ME3: variants seen among roughly 807,000 people sequenced by gnomAD.
The protein encoded by ME3 is malic enzyme 3, also known as NADP-dependent malic enzyme, mitochondrial.
In ME3, 48 loss-of-function variants were observed where a neutral mutation model predicts 68.9. The ratio of observed to expected loss-of-function variants is 0.70; its 90% confidence interval spans 0.55 to 0.89. The LOEUF (loss-of-function observed/expected upper bound fraction) is 0.89. ME3 is among the 40% of genes least tolerant of loss of function. The pLI is 0.00. For synonymous variants in ME3, 320 were observed against 318.8 expected (o/e 1.00, Z -0.04); for missense variants, 675 against 797.4 (o/e 0.85, Z 1.85).
chr11:86,638,092 G>A (rs1944458080), intron 2 of ME3, among the ~76,000 whole-genome samples: 2 of 151,844 alleles, frequency 1.3e-5, no homozygotes, highest in Non-Finnish European at 2.9e-5. Context: ...CCCCAGGCCT[G>A]GCTGTGCCTC....
intron 2 of ME3, among the ~76,000 whole-genome samples, chr11:86,663,658 T>A (rs895512975): frequency 6.6e-6 from 1 of 152,070 alleles, no homozygotes; most frequent in East Asian, 1.9e-4. Flanking sequence ...AGGCCTTTTT[T>A]CCCCCCTCTC....
intron 4 of ME3, among the ~76,000 whole-genome samples, chr11:86,529,582 G>C (rs1318072932): frequency 6.6e-6 from 1 of 152,180 alleles, no homozygotes; most frequent in Non-Finnish European, 1.5e-5. Flanking sequence ...CAATATCCCT[G>C]ATGAACATCG....
intron 2 of ME3, among the ~76,000 whole-genome samples, chr11:86,618,182 C>A (rs1223526310): frequency 6.6e-6 from 1 of 151,424 alleles, no homozygotes; most frequent in Non-Finnish European, 1.5e-5. Context: ...CACCTATAAC[C>A]CCAGCTACTT....
rs145064860 is a variant in ME3 at position 86,479,764 on chromosome 11, T to C, written c.809+7573A>G. ...TCCCTAATTATTTTCTATTCAAAAA[T>C]GTCTTCTTGGAAGGACTGTAAGGTT... On this transcript the variant is annotated intron_variant, in intron 7 of 14. Transcript: ENST00000543262. Among the ~76,000 whole-genome samples, 28 of 152,342 alleles carry C rather than the reference T, an allele frequency of 1.8e-4. No individual in the cohort carries two copies. In the East Asian group the frequency reaches 5.4e-3, roughly 29 times the overall value.
intron 2 of ME3, among the ~76,000 whole-genome samples, chr11:86,582,474 G>A (rs932648410): frequency 2.0e-5 from 3 of 152,104 alleles, no homozygotes; most frequent in African/African-American, 4.8e-5. Context: ...TAAAAGTCCT[G>A]TACAAATGCT....
At chr11:86,521,731 C>G (rs59340076) in intron 4 of ME3, among the ~76,000 whole-genome samples, 6,546 of 152,288 alleles carry the variant, frequency 0.043, 210 homozygotes, top group African/African-American at 0.082. Context: ...CTCTCAAAAA[C>G]TCACTGATCT....
chr11:86,574,449 GCTTT>G (rs1352584214), intron 2 of ME3, among the ~76,000 whole-genome samples: 4 of 147,456 alleles, frequency 2.7e-5, no homozygotes, highest in African/African-American at 5.0e-5. Context: ...TGTTGTATTT[GCTTT>G]CTGTTTGTTT....
At chr11:86,664,765 G>T (rs1196497265) in intron 2 of ME3, among the ~76,000 whole-genome samples, 1 of 152,176 alleles carries the variant, frequency 6.6e-6, no homozygotes, top group Non-Finnish European at 1.5e-5. Context: ...ATCTCCTTTT[G>T]TGTTTTCCGT....
At chr11:86,650,516 C>A (rs1046936766) in intron 2 of ME3, among the ~76,000 whole-genome samples, 1 of 152,170 alleles carries the variant, frequency 6.6e-6, no homozygotes, top group African/African-American at 2.4e-5. Context: ...TCAGAGTGAG[C>A]AGGCAACCTA....
At chr11:86,664,127 G>A (rs1196916689) in intron 2 of ME3, among the ~76,000 whole-genome samples, 1 of 152,190 alleles carries the variant, frequency 6.6e-6, no homozygotes, top group Non-Finnish European at 1.5e-5. Flanking sequence ...AAGTTGGTCT[G>A]AGTATTATTT....
intron 3 of ME3, among the ~76,000 whole-genome samples, chr11:86,559,070 G>A (rs930910410): frequency 2.6e-5 from 4 of 152,176 alleles, no homozygotes; most frequent in African/African-American, 9.7e-5. Flanking sequence ...TTCAACCTGG[G>A]AAGTGACTAC....
At chr11:86,488,998 C>T (rs1487398991) in intron 6 of ME3, 2 of 152,122 alleles carry the variant, frequency 1.3e-5, no homozygotes, top group Admixed American at 6.5e-5. Context: ...GCTGAGAAGA[C>T]AGCACAAGGA....
rs760709939 is a variant in ME3 at position 86,447,213 on chromosome 11, G to A, written c.1238-6C>T. 6.2e-7 allele frequency: 1 copy of A among 1,613,658 alleles called. No individual in the cohort carries two copies. The highest frequency in any genetic ancestry group is 1.1e-5 in the South Asian group (1 of 91,016). On this transcript the variant is annotated splice_region_variant and splice_polypyrimidine_tract_variant and intron_variant, in intron 11 of 14. Coordinates refer to ENST00000543262, the Ensembl canonical transcript of ME3. Reference sequence around the variant, plus strand: ...TCCTGCGATGGCAGCAACACCTACAGGGAAAAGGCGGGTAGTGGGGATGCC... The same window carrying A: ...TCCTGCGATGGCAGCAACACCTACAAGGAAAAGGCGGGTAGTGGGGATGCC...
chr11:86,581,464 A>G (rs907512644), intron 2 of ME3, among the ~76,000 whole-genome samples: 1 of 152,208 alleles, frequency 6.6e-6, no homozygotes, highest in Non-Finnish European at 1.5e-5. Flanking sequence ...TAGGAAAAAA[A>G]TAACTCATAA....
chr11:86,641,875 C>CT (rs1383476823), intron 2 of ME3, among the ~76,000 whole-genome samples: 7 of 152,026 alleles, frequency 4.6e-5, no homozygotes, highest in South Asian at 4.2e-4. Context: ...AACTTCACCT[C>CT]TTTTTTTAAA....
chr11:86,663,712 A>G (rs1946422757), intron 2 of ME3, among the ~76,000 whole-genome samples: 1 of 152,244 alleles, frequency 6.6e-6, no homozygotes. Flanking sequence ...GATGATAAAA[A>G]GAAACCTTTG....
chr11:86,455,954 C>G (rs1949894120), intron 8 of ME3, among the ~76,000 whole-genome samples: 1 of 152,176 alleles, frequency 6.6e-6, no homozygotes, highest in South Asian at 2.1e-4. Flanking sequence ...TCCCCAAATC[C>G]CCTTTGTCCT....
intron 4 of ME3, among the ~76,000 whole-genome samples, chr11:86,541,634 G>A (rs897683344): frequency 1.3e-5 from 2 of 152,184 alleles, no homozygotes; most frequent in African/African-American, 4.8e-5. Context: ...TGAAAGAAAG[G>A]CAGCAGCCCC....
At chr11:86,621,642 G>A (rs1413285154) in intron 2 of ME3, among the ~76,000 whole-genome samples, 1 of 151,330 alleles carries the variant, frequency 6.6e-6, no homozygotes, top group African/African-American at 2.4e-5. Context: ...TGTGAATAGG[G>A]TTGTATTCAA....
Sources: gnomAD v4.1 joint callset for allele counts (sites outside exome capture counted in the v4.1 genomes callset) on GRCh38, gnomAD v4.1.1 for gene constraint, MANE v1.5 for transcripts, NCBI Gene and HGNC (gene_info 2026-07-23, HGNC 2026-07-21) for gene names.